Variants in SLC44A1 observed in about 807,000 individuals in gnomAD.
SLC44A1 encodes choline transporter-like protein 1.
SLC44A1 carries 26 observed loss-of-function variants against 79.3 expected under a neutral mutation model. That is an observed-to-expected ratio of 0.33 (90% CI 0.24 to 0.46). The LOEUF (loss-of-function observed/expected upper bound fraction) is 0.46. Among genes scored for constraint, SLC44A1 ranks in the 20% least tolerant of loss-of-function variants. The pLI is 1.00. For synonymous variants in SLC44A1, 263 were observed against 286.2 expected, an observed-to-expected ratio of 0.92 and a Z score of 0.82; for missense variants, 688 against 798.1, an observed-to-expected ratio of 0.86 and a Z score of 1.66.
intron 3 of SLC44A1, among the ~76,000 whole-genome samples, chr9:105,312,525 TA>T (rs1831207256): frequency 6.6e-6 from 1 of 152,234 alleles, no homozygotes. Flanking sequence ...TAAATCAATT[TA>T]TTTCCTTAGA....
chr9:105,403,081 AAGTGCTG>A (rs1409717661), intron 15 of SLC44A1, among the ~76,000 whole-genome samples: 1 of 149,648 alleles, frequency 6.7e-6, no homozygotes, highest in African/African-American at 2.5e-5. Flanking sequence ...CAGACTCCCA[AAGTGCTG>A]AGATTACAGG....
chr9:105,352,520 T>G (rs1322698313), intron 5 of SLC44A1, among the ~76,000 whole-genome samples: 2 of 152,234 alleles, frequency 1.3e-5, no homozygotes, highest in East Asian at 3.8e-4. Flanking sequence ...CATTTTGTTC[T>G]TGTTGACTGC....
rs1326660882 is a variant in SLC44A1 at position 105,374,680 on chromosome 9, C to T, written c.1577C>T (p.Ala526Val). Reference sequence around the variant, plus strand: ...GCCTTTGTCATTCTGGTGGAGAATGCTTTGCGAGTGGCTACCATCAACACA... The same window carrying T: ...GCCTTTGTCATTCTGGTGGAGAATGTTTTGCGAGTGGCTACCATCAACACA... ...KDAFVILVEN[A>V]LRVATINTVG... is the part of the protein sequence containing the mutation. Residue 526 changes from alanine to valine, a missense_variant, in exon 13 of 16, where the codon GCT becomes GTT. By Grantham distance (64) the Ala-to-Val change is moderately conservative (BLOSUM62 0). Transcript: ENST00000374720. The T allele has an allele frequency of 6.2e-7, 1 of 1,612,926 alleles. No individual in the cohort carries two copies. The highest frequency in any genetic ancestry group is 1.3e-5 in the African/African-American group (1 of 74,904).
At chr9:105,347,600 T>G (rs143301531) in intron 4 of SLC44A1, among the ~76,000 whole-genome samples, 17 of 152,192 alleles carry the variant, frequency 1.1e-4, no homozygotes, top group Middle Eastern at 3.4e-3. Flanking sequence ...ATGTATTATG[T>G]AAATTTTACA....
At chr9:105,287,799 G>A (rs538094089) in intron 1 of SLC44A1, among the ~76,000 whole-genome samples, 62 of 152,204 alleles carry the variant, frequency 4.1e-4, no homozygotes, top group African/African-American at 1.5e-3. Context: ...GCATTCTTCA[G>A]GAGAAATCTT....
At chr9:105,265,048 G>A (rs1458359691) in intron 1 of SLC44A1, among the ~76,000 whole-genome samples, 1 of 152,092 alleles carries the variant, frequency 6.6e-6, no homozygotes, top group Non-Finnish European at 1.5e-5. Flanking sequence ...TGCCCACCTT[G>A]GCCTTCCAAA....
intron 5 of SLC44A1, among the ~76,000 whole-genome samples, chr9:105,355,021 G>T (rs1827577646): frequency 6.6e-6 from 1 of 152,058 alleles, no homozygotes. Flanking sequence ...GTTGTAGCTG[G>T]GACTTAAAGT....
chr9:105,414,053 T>G (rs866671642), intron 15 of SLC44A1, among the ~76,000 whole-genome samples: 27 of 149,902 alleles, frequency 1.8e-4, no homozygotes, highest in South Asian at 6.2e-4. Flanking sequence ...GTGTTTGGTT[T>G]TTTTTTTTTT....
At chr9:105,434,036 A>T (rs893908716) in intron 15 of SLC44A1, among the ~76,000 whole-genome samples, 1 of 152,188 alleles carries the variant, frequency 6.6e-6, no homozygotes, top group Non-Finnish European at 1.5e-5. Context: ...GGATTGTAAT[A>T]AAAAAACTAG....
At chr9:105,418,346 A>G (rs1211719437) in intron 15 of SLC44A1, among the ~76,000 whole-genome samples, 1 of 151,758 alleles carries the variant, frequency 6.6e-6, no homozygotes, top group East Asian at 1.9e-4. Flanking sequence ...GAAAGAAAGA[A>G]AAAGATAATT....
intron 1 of SLC44A1, among the ~76,000 whole-genome samples, chr9:105,252,597 G>T (rs192273894): frequency 6.6e-6 from 1 of 152,198 alleles, no homozygotes; most frequent in Non-Finnish European, 1.5e-5. Flanking sequence ...ACAGGAAAGG[G>T]CTAGTGCGCT....
chr9:105,330,278 C>T (rs1826709857), intron 3 of SLC44A1, among the ~76,000 whole-genome samples: 1 of 152,178 alleles, frequency 6.6e-6, no homozygotes, highest in Admixed American at 6.5e-5. Flanking sequence ...GTCTGTAACT[C>T]ACTTTCCTTT....
chr9:105,311,857 G>A (rs1259381087), intron 3 of SLC44A1, among the ~76,000 whole-genome samples: 1 of 151,742 alleles, frequency 6.6e-6, no homozygotes, highest in Non-Finnish European at 1.5e-5. Flanking sequence ...ATAATATTTC[G>A]ATCTGAAAAC....
chr9:105,418,669 C>T (rs1363557234), intron 15 of SLC44A1, among the ~76,000 whole-genome samples: 2 of 152,140 alleles, frequency 1.3e-5, no homozygotes, highest in Non-Finnish European at 2.9e-5. Context: ...GGCCACAACC[C>T]TGAAATGATT....
intron 2 of SLC44A1, among the ~76,000 whole-genome samples, chr9:105,301,861 A>G (rs1053922987): frequency 6.6e-6 from 1 of 152,200 alleles, no homozygotes; most frequent in African/African-American, 2.4e-5. Context: ...TGCTTCTCTT[A>G]CAGATTATTT....
Position 105,389,683 on chromosome 9 carries a change from T to C in SLC44A1, c.*627T>C. On this transcript the variant is annotated 3_prime_UTR_variant, in exon 16 of 16. Coordinates refer to ENST00000374720, the MANE Select transcript of SLC44A1 (RefSeq NM_080546.5). Reference sequence around the variant, plus strand: ...CAGCCAACATTAAAAGGTAACCAACTCCTCAGGTATTTGTAGTTTACCCTA... The same window carrying C: ...CAGCCAACATTAAAAGGTAACCAACCCCTCAGGTATTTGTAGTTTACCCTA... 1.6e-6 allele frequency: 2 copies of C among 1,238,406 alleles called. No homozygotes were observed. Among genetic ancestry groups the C allele is most frequent in the Non-Finnish European group, 1.0e-6 (1 of 989,834 alleles). The allele number at this position is 1,238,406 out of a possible 1,614,324, so 76.7% of individuals were successfully genotyped here. A position where few individuals can be genotyped will look rare whatever the true frequency, so the allele number is the denominator to read the frequency against.
intron 1 of SLC44A1, among the ~76,000 whole-genome samples, chr9:105,297,718 A>G (rs1414618578): frequency 6.6e-6 from 1 of 152,198 alleles, no homozygotes; most frequent in Non-Finnish European, 1.5e-5. Flanking sequence ...TGTAGTTTTC[A>G]TCAGGTTATC....
intron 15 of SLC44A1, among the ~76,000 whole-genome samples, chr9:105,423,499 GCA>G (rs1196906218): frequency 6.6e-6 from 1 of 152,074 alleles, no homozygotes; most frequent in Non-Finnish European, 1.5e-5. Context: ...TCAAGAATGT[GCA>G]CATTTTTATC....
chr9:105,366,740 A>G (rs186870348), intron 12 of SLC44A1, among the ~76,000 whole-genome samples: 186 of 152,278 alleles, frequency 1.2e-3, no homozygotes, highest in Non-Finnish European at 2.2e-3. Context: ...CTTTCAGGAA[A>G]AACATTTATC....
Sources: gnomAD v4.1 joint callset for allele counts (sites outside exome capture counted in the v4.1 genomes callset) on GRCh38, gnomAD v4.1.1 for gene constraint, MANE v1.5 for transcripts, NCBI Gene and HGNC (gene_info 2026-07-23, HGNC 2026-07-21) for gene names.